CPSF6: variants seen among roughly 807,000 people sequenced by gnomAD.
The protein encoded by CPSF6 is cleavage and polyadenylation specificity factor subunit 6.
CPSF6 carries 10 observed loss-of-function variants against 56.7 expected under a neutral mutation model. The ratio of observed to expected loss-of-function variants is 0.18; its 90% confidence interval spans 0.11 to 0.30. The LOEUF (loss-of-function observed/expected upper bound fraction) is 0.30. CPSF6 is among the 10% of genes least tolerant of loss of function. CPSF6 has a pLI of 1.00. For missense variants in CPSF6, 419 were observed against 722.9 expected (o/e 0.58, Z 4.82); for synonymous variants, 248 against 244.8 (o/e 1.01, Z -0.12).
intron 3 of CPSF6, chr12:69,255,175 A>C (rs1222908523): frequency 6.6e-6 from 1 of 152,236 alleles, no homozygotes; most frequent in South Asian, 2.1e-4. Flanking sequence ...TTTCCTTAGC[A>C]TAATGATTTT....
At chr12:69,245,093 A>T (rs984043728) in intron 1 of CPSF6, among the ~76,000 whole-genome samples, 2 of 90,962 alleles carry the variant, frequency 2.2e-5, no homozygotes, top group African/African-American at 9.3e-5. Flanking sequence ...CTCCGTCTCT[A>T]TTTAAAAAAA....
chr12:69,271,720 T>C lies in CPSF6; in HGVS notation c.*2212T>C, dbSNP rs1365608435. ...TTGACCAAGTAATTTTGCAAAGTCC[T>C]TCTCTACCTGATAACACGTGAATGT... is the stretch of plus-strand genomic sequence containing the variant. On this transcript the variant is annotated 3_prime_UTR_variant, in exon 10 of 10. Coordinates refer to ENST00000435070, the MANE Select transcript of CPSF6 (RefSeq NM_007007.3). 1 of 151,746 alleles carries C rather than the reference T, an allele frequency of 6.6e-6. No homozygotes were observed. The highest frequency in any genetic ancestry group is 1.5e-5 in the Non-Finnish European group (1 of 67,694). 9.4% of individuals were successfully genotyped at this position (151,746 alleles called of 1,614,324 possible).
intron 1 of CPSF6, among the ~76,000 whole-genome samples, chr12:69,249,445 A>G (rs1474961316): frequency 6.6e-6 from 1 of 151,874 alleles, no homozygotes; most frequent in East Asian, 1.9e-4. Context: ...TTTAGGGACT[A>G]TTTTGGCTAA....
chr12:69,257,625 A>G, intron 4 of CPSF6, 107 bp from the exon 5 acceptor site: 2 of 1,029,690 alleles, frequency 1.9e-6, no homozygotes, highest in South Asian at 3.1e-5. Context: ...GGCACAAGGC[A>G]TTTGCAAGTT....
Position 69,258,622 on chromosome 12 carries a change from C to A in CPSF6, c.727C>A (p.Pro243Thr). Reference sequence around the variant, plus strand: ...GACTCCACCACGTCCACCCTTAGGTCCTCCAGGCCCACCTGGTCCACCAGG... The same window carrying A: ...GACTCCACCACGTCCACCCTTAGGTACTCCAGGCCCACCTGGTCCACCAGG... ...GQTPPRPPLG[P>T]PGPPGPPGPP... Residue 243 changes from proline (P) to threonine (T), a missense_variant, in exon 6 of 10, where the codon CCT (proline) becomes ACT (threonine). Transcript: ENST00000435070. This position sits in a 1 kb window ranked among gnomAD's most constrained non-coding sequence, Gnocchi z 4.2. 6.2e-7 allele frequency: 1 copy of A among 1,613,552 alleles called. No homozygotes were observed. The highest frequency in any genetic ancestry group is 8.5e-7 in the Non-Finnish European group (1 of 1,179,736).
intron 9 of CPSF6, among the ~76,000 whole-genome samples, chr12:69,269,209 A>T (rs907074522): frequency 1.3e-5 from 2 of 151,864 alleles, no homozygotes; most frequent in East Asian, 1.9e-4. Flanking sequence ...AAAATGACTT[A>T]TGAATGTTTC....
At chr12:69,261,498 G>A (rs953106007) in intron 8 of CPSF6, among the ~76,000 whole-genome samples, 8 of 149,992 alleles carry the variant, frequency 5.3e-5, no homozygotes, top group African/African-American at 1.8e-4. Context: ...CTCAGAGGTC[G>A]AGGATGAAAT....
chr12:69,261,646 G>C (rs561218916), intron 8 of CPSF6, among the ~76,000 whole-genome samples: 4 of 151,392 alleles, frequency 2.6e-5, no homozygotes, highest in African/African-American at 9.8e-5. Flanking sequence ...TAGCTGTCTG[G>C]TGCAGAAATA....
rs2305641 is a variant in CPSF6, at chr12:69,253,134, G to A, written c.354G>A (p.Arg118=). 701,434 of 1,581,688 alleles carry A rather than the reference G, an allele frequency of 0.44. 157,371 individuals carry two copies. The highest frequency in any genetic ancestry group is 0.46 in the Non-Finnish European group (528,480 of 1,159,380). The part of the protein sequence containing the change: ...DILEIKFFEN[R]ANGQSKGFAL... ...TGGAGATAAAATTTTTTGAAAATCGGGCAAATGGCCAGTCAAAGGGGTAAG... is the reference window on the plus strand; with the variant it reads ...TGGAGATAAAATTTTTTGAAAATCGAGCAAATGGCCAGTCAAAGGGGTAAG... The change falls in exon 3 of 10, where the codon CGG becomes CGA. Residue 118 remains arginine, a synonymous_variant. Coordinates refer to ENST00000435070, the MANE Select transcript of CPSF6 (RefSeq NM_007007.3).
chr12:69,254,985 C>T (rs1308289804), intron 3 of CPSF6: 1 of 152,146 alleles, frequency 6.6e-6, no homozygotes, highest in East Asian at 1.9e-4. Context: ...GCAACCATTA[C>T]CACTGTCTCA....
chr12:69,259,611 A>C, intron 7 of CPSF6, 68 bp downstream of exon 7: 2 of 1,287,044 alleles, frequency 1.6e-6, no homozygotes, highest in Non-Finnish European at 2.2e-6. Flanking sequence ...ATGTAAGTAC[A>C]ATCTAGAAGA....
At chr12:69,269,404 A>G (rs977739916) in intron 9 of CPSF6, 108 bp from the exon 10 acceptor site, 11 of 391,818 alleles carry the variant, frequency 2.8e-5, no homozygotes, top group African/African-American at 4.2e-5. Context: ...GTTAGAATAC[A>G]TAACAGTGAA....
At chr12:69,248,746 C>T (rs1189591059) in intron 1 of CPSF6, among the ~76,000 whole-genome samples, 1 of 152,038 alleles carries the variant, frequency 6.6e-6, no homozygotes, top group Non-Finnish European at 1.5e-5. Flanking sequence ...TCTGATTTAA[C>T]CTTGAGATCC....
intron 9 of CPSF6, among the ~76,000 whole-genome samples, chr12:69,266,405 AGT>A (rs1872985951): frequency 2.0e-5 from 3 of 152,310 alleles, no homozygotes; most frequent in East Asian, 1.9e-4. Context: ...ATGGATGTAT[AGT>A]GTGTTTTGCT....
chr12:69,269,583 T>C lies in CPSF6; in HGVS notation c.*75T>C. The C allele has an allele frequency of 2.3e-6, 1 of 440,014 alleles. No homozygotes were observed. Among genetic ancestry groups the C allele is most frequent in the Non-Finnish European group, 4.6e-6 (1 of 219,108 alleles). 27.3% of individuals were successfully genotyped at this position (440,014 alleles called of 1,614,324 possible). A position where few individuals can be genotyped will look rare whatever the true frequency, so the allele number is the denominator to read the frequency against. ...GAAAAATGACGCTTGTCCAGCAGTT[T>C]GCTTCTTGTGATTGAACTGAACCTG... On this transcript the variant is annotated 3_prime_UTR_variant, in exon 10 of 10. Transcript: ENST00000435070.
At chr12:69,247,438 A>G (rs924721825) in intron 1 of CPSF6, among the ~76,000 whole-genome samples, 2 of 150,454 alleles carry the variant, frequency 1.3e-5, no homozygotes, top group African/African-American at 4.8e-5. Flanking sequence ...ATAGCTGGCT[A>G]GCTACTATGA....
chr12:69,259,524 T>A lies in CPSF6; in HGVS notation c.1296T>A (p.Ala432=), dbSNP rs1245881733. ...RAISSSAISR[A]VSDASAGDYG... The stretch of plus-strand genomic sequence containing the variant: ...TCTCAAGCAGTGCTATTTCGAGAGC[T>A]GTGTCTGATGCCAGTGCTGGTTTGT... The change falls in exon 7 of 10, where the codon GCT becomes GCA. Residue 432 remains alanine (A), a synonymous_variant. Coordinates refer to ENST00000435070, the MANE Select transcript of CPSF6 (RefSeq NM_007007.3). The A allele has an allele frequency of 1.9e-6, 3 of 1,612,704 alleles. No individual in the cohort carries two copies. The South Asian group carries it at 3.3e-5, about 18-fold the overall frequency.
At chr12:69,251,972 G>A (rs1466774245) in intron 2 of CPSF6, 2 of 454,450 alleles carry the variant, frequency 4.4e-6, no homozygotes, top group Non-Finnish European at 8.8e-6. Context: ...TTAGTTATAT[G>A]TATACTTGAA....
intron 8 of CPSF6, 121 bp downstream of exon 8, chr12:69,260,318 G>GTT (rs1872690303): frequency 6.5e-6 from 4 of 615,838 alleles, no homozygotes; most frequent in East Asian, 3.6e-5. Flanking sequence ...CAGCTGGAGT[G>GTT]GTTTTTTTTT....
Sources: allele counts gnomAD v4.1 joint callset (sites outside exome capture counted in the v4.1 genomes callset), GRCh38; gene constraint gnomAD v4.1.1; non-coding constraint Gnocchi (gnomAD v3.1); transcripts MANE v1.5; gene names NCBI Gene and HGNC (gene_info 2026-07-23, HGNC 2026-07-21).